The following COX11 variants were observed in gnomAD, a reference collection of about 807,000 sequenced individuals.
The protein encoded by COX11 is cytochrome c oxidase copper chaperone COX11.
Under a neutral mutation model 29.4 loss-of-function variants are expected in COX11, and 18 were observed. The observed-to-expected ratio is 0.61, with a 90% CI of 0.42 to 0.91. COX11 has a LOEUF of 0.91. COX11 is among the 40% of genes least tolerant of loss of function. The pLI is 0.00. For synonymous variants in COX11, 131 were observed against 124.0 expected (o/e 1.06, Z -0.38); for missense variants, 312 against 346.0 (o/e 0.90, Z 0.78).
At chr17:54,965,644 C>T (rs939225986) in intron 1 of COX11, among the ~76,000 whole-genome samples, 1 of 152,076 alleles carries the variant, frequency 6.6e-6, no homozygotes, top group Non-Finnish European at 1.5e-5. Context: ...CTGGCTAACA[C>T]AGTGAACCCC....
downstream of COX11, among the ~76,000 whole-genome samples, chr17:54,960,292 G>A (rs2077084421): frequency 6.6e-6 from 1 of 152,156 alleles, no homozygotes; most frequent in Admixed American, 6.5e-5. Flanking sequence ...TTGAACCTGG[G>A]AGGCAGAGGT....
chr17:54,967,009 T>C (rs1358809298), intron 1 of COX11, among the ~76,000 whole-genome samples: 1 of 120,378 alleles, frequency 8.3e-6, no homozygotes, highest in African/African-American at 3.0e-5. Context: ...ACCTCGTCTC[T>C]ACAAATTTAA....
At chr17:54,954,364 C>A (rs577519889) in exon 1 of COX11, 1 of 152,292 alleles carries the variant, frequency 6.6e-6, no homozygotes, top group African/African-American at 2.4e-5. Context: ...ACACATAGAC[C>A]CGAGCAAAAC....
Position 54,960,537 on chromosome 17 carries a change from ACCCTTTTGCT to A in COX11, c.*2186_*2195del. On this transcript the variant is annotated 3_prime_UTR_variant, in exon 4 of 4. Transcript: ENST00000299335. ...AATAGCACTTTGAAATTGATACATA[ACCCTTTTGCT>A]GTGATGGCTTTGTTTCAGAGCTATT... is the stretch of plus-strand genomic sequence containing the variant. 1 of 1,591,262 alleles carries A rather than the reference ACCCTTTTGCT, an allele frequency of 6.3e-7. No individual in the cohort carries two copies.
chr17:54,965,663 T>C (rs2077204254), intron 1 of COX11, among the ~76,000 whole-genome samples: 1 of 151,962 alleles, frequency 6.6e-6, no homozygotes, highest in African/African-American at 2.4e-5. Context: ...CCCGTCTCTA[T>C]TAAAAATAGA....
At position 54,962,438 on chromosome 17, in the gene COX11, A is replaced by C. The variant is rs2144130543; in HGVS notation, c.*295T>G. The C allele has an allele frequency of 9.7e-7, 1 of 1,028,588 alleles. No individual in the cohort carries two copies. Among genetic ancestry groups the C allele is most frequent in the South Asian group, 4.2e-5 (1 of 23,874 alleles). The allele number at this position is 1,028,588 out of a possible 1,614,324, so 63.7% of individuals were successfully genotyped here. On this transcript the variant is annotated 3_prime_UTR_variant, in exon 4 of 4. Coordinates refer to ENST00000299335, the MANE Select transcript of COX11 (RefSeq NM_004375.5). ...TTAATAATCTGGAAGGGAATTATGGAATTAAGCTGAACCCATGCCTGCATA... is the reference window on the plus strand; with the variant it reads ...TTAATAATCTGGAAGGGAATTATGGCATTAAGCTGAACCCATGCCTGCATA...
chr17:54,952,329 A>G (rs8078896), exon 1 of COX11: 112,598 of 151,856 alleles, frequency 0.74, 42,140 homozygotes, highest in African/African-American at 0.83. Context: ...CAAGGCGCGC[A>G]GATCACCCTG....
intron 1 of COX11, among the ~76,000 whole-genome samples, chr17:54,967,051 C>T (rs2144180740): frequency 1.1e-5 from 1 of 90,854 alleles, no homozygotes; most frequent in Admixed American, 1.1e-4. Context: ...CGCACACACA[C>T]ACACACACAC....
chr17:54,957,003 G>C (rs1350707950), downstream of COX11: 1 of 152,172 alleles, frequency 6.6e-6, no homozygotes, highest in East Asian at 1.9e-4. Context: ...AAGTACACTG[G>C]GATCCATCTG....
chr17:54,968,278 T>C lies in COX11; in HGVS notation c.366+3A>G, dbSNP rs1283490489. The C allele has an allele frequency of 1.2e-6, 2 of 1,610,008 alleles. No individual in the cohort carries two copies. Among genetic ancestry groups the C allele is most frequent in the South Asian group, 1.1e-5 (1 of 90,986 alleles). On this transcript the variant is annotated splice_donor_region_variant and intron_variant, in intron 1 of 3. Transcript: ENST00000299335. ...CCACCCTGCGGGCGGCGCCGGCCCC[T>C]ACCTGGCAATAGAGCCGATAAAGGG...
chr17:54,952,741 A>C (rs2049299953), exon 1 of COX11: 1 of 152,100 alleles, frequency 6.6e-6, no homozygotes, highest in Non-Finnish European at 1.5e-5. Context: ...ACAATTATCT[A>C]GTACCGCATT....
chr17:54,963,227 TCTA>T (rs1567855329), intron 3 of COX11, 76 bp downstream of exon 3: 1 of 1,464,032 alleles, frequency 6.8e-7, no homozygotes, highest in Non-Finnish European at 9.3e-7. Flanking sequence ...AATCACAAGA[TCTA>T]CTAAAACACT....
chr17:54,954,258 A>G (rs1426518665), exon 1 of COX11: 1 of 152,176 alleles, frequency 6.6e-6, no homozygotes, highest in Non-Finnish European at 1.5e-5. Context: ...TTATGTGTGG[A>G]GAATATTCTC....
In COX11 at chr17:54,961,131, A is replaced by G. The variant is rs2077112188; in HGVS notation, c.*1602T>C. On this transcript the variant is annotated 3_prime_UTR_variant, in exon 4 of 4. Transcript: ENST00000299335. ...AGCACATTCTTACCTTTCTTCTACT[A>G]GACTGTGACTCTCCAGCTTCCCAGT... 2.5e-6 allele frequency: 2 copies of G among 811,712 alleles called. No homozygotes were observed. The highest frequency in any genetic ancestry group is 1.5e-5 in the South Asian group (1 of 66,516). The allele number at this position is 811,712 out of a possible 1,614,324, so 50.3% of individuals were successfully genotyped here. A position where few individuals can be genotyped will look rare whatever the true frequency, so the allele number is the denominator to read the frequency against.
chr17:54,955,396 T>G (rs374185482), upstream of COX11, among the ~76,000 whole-genome samples: 1 of 152,188 alleles, frequency 6.6e-6, no homozygotes. Context: ...TTTGTATCAC[T>G]GCATTCTGGT....
chr17:54,968,250 G>A, intron 1 of COX11, 31 bp downstream of exon 1: 1 of 1,596,334 alleles, frequency 6.3e-7, no homozygotes, highest in Non-Finnish European at 8.5e-7. Flanking sequence ...TCTCGCGTCT[G>A]CGCCACCCTG....
Position 54,962,681 on chromosome 17 carries a change from T to C in COX11, c.*52A>G, listed in dbSNP as rs2077150520. On this transcript the variant is annotated 3_prime_UTR_variant, in exon 4 of 4. Coordinates refer to ENST00000299335, the MANE Select transcript of COX11 (RefSeq NM_004375.5). ...ATATTTCTCCTTTGAGAAGATAGGA[T>C]ATATGATTTTCCCAAAAATCACAAC... 1.9e-6 allele frequency: 3 copies of C among 1,584,438 alleles called. No individual in the cohort carries two copies. Among genetic ancestry groups the C allele is most frequent in the East Asian group, 4.5e-5 (2 of 44,454 alleles).
At chr17:54,964,891 G>A (rs1330275260) in intron 1 of COX11, 39 bp from the exon 2 acceptor site, 2 of 1,576,772 alleles carry the variant, frequency 1.3e-6, no homozygotes, top group East Asian at 4.5e-5. Flanking sequence ...AATACTTTTA[G>A]GTGTTGATGA....
chr17:54,961,268 A>G lies in COX11; in HGVS notation c.*1465T>C. The G allele has an allele frequency of 6.4e-7, 1 of 1,551,348 alleles. No homozygotes were observed. The highest frequency in any genetic ancestry group is 8.7e-7 in the Non-Finnish European group (1 of 1,146,706). On this transcript the variant is annotated 3_prime_UTR_variant, in exon 4 of 4. Transcript: ENST00000299335. ...GGATGATCAGCTCACTACCACATCA[A>G]AGGTGCCAACTCTCTAAAACGTAGA... is the stretch of plus-strand genomic sequence containing the variant.
Sources: gnomAD v4.1 joint callset for allele counts (sites outside exome capture counted in the v4.1 genomes callset) on GRCh38, gnomAD v4.1.1 for gene constraint, MANE v1.5 for transcripts, NCBI Gene and HGNC (gene_info 2026-07-23, HGNC 2026-07-21) for gene names.